Variants in SORBS2 observed in about 807,000 individuals in gnomAD.
SORBS2 encodes sorbin and SH3 domain-containing protein 2.
A neutral mutation model predicts 97.7 loss-of-function variants in SORBS2; 46 were observed. The ratio of observed to expected loss-of-function variants is 0.47; its 90% CI spans 0.37 to 0.60. The LOEUF is 0.60. Among genes scored for constraint, SORBS2 ranks in the 20% least tolerant of loss-of-function variants. SORBS2 has a pLI of 0.00. For missense variants in SORBS2, 1,316 were observed against 1,282.3 expected (o/e 1.03, Z -0.40); for synonymous variants, 476 against 473.4 (o/e 1.01, Z -0.07).
chr4:185,719,403 G>A (rs571434780), intron 2 of SORBS2, among the ~76,000 whole-genome samples: 5 of 152,254 alleles, frequency 3.3e-5, no homozygotes, highest in East Asian at 3.9e-4. Context: ...ATTCAGACAC[G>A]TTTTTCTCTC....
chr4:185,752,424 C>T (rs180935533), intron 2 of SORBS2, among the ~76,000 whole-genome samples: 316 of 152,202 alleles, frequency 2.1e-3, no homozygotes, highest in Non-Finnish European at 2.9e-3. Context: ...TACAGGCGCC[C>T]GCCACCACAC....
chr4:185,593,648 G>A (rs2096012683), intron 13 of SORBS2: 1 of 493,582 alleles, frequency 2.0e-6, no homozygotes, highest in East Asian at 3.6e-5. Flanking sequence ...TGAAGCATTG[G>A]GAAGTTTTCC....
At chr4:185,898,725 G>A (rs557520341) in intron 1 of SORBS2, among the ~76,000 whole-genome samples, 22 of 152,284 alleles carry the variant, frequency 1.4e-4, no homozygotes, top group East Asian at 3.9e-4. Context: ...TGGAGAGGGC[G>A]TCAGTTTAGC....
At chr4:185,946,572 T>C (rs969262682) in intron 1 of SORBS2, among the ~76,000 whole-genome samples, 1 of 152,192 alleles carries the variant, frequency 6.6e-6, no homozygotes, top group Non-Finnish European at 1.5e-5. Context: ...CTTTGTAGTG[T>C]TCTAATCAAA....
rs1278092181 is a variant in SORBS2 at position 185,623,577 on chromosome 4, C to T, written c.1552G>A (p.Glu518Lys). 6.2e-7 allele frequency: 1 copy of T among 1,613,972 alleles called. No homozygotes were observed. Among genetic ancestry groups the T allele is most frequent in the Non-Finnish European group, 8.5e-7 (1 of 1,180,022 alleles). ...CTTTCACTGCAGAAGGATGACCCCT[C>T]TAGGTGAATGTAGTCACTGTGGTCG... The change falls in exon 7 of 15, where the codon GAG becomes AAG. Residue 518 changes from glutamate to lysine, a missense_variant. Transcript: ENST00000418609. The surrounding 1 kb of genome is among the most constrained non-coding windows in gnomAD (Gnocchi z 6.4).
intron 1 of SORBS2, among the ~76,000 whole-genome samples, chr4:185,828,329 G>A (rs1008863671): frequency 1.2e-4 from 18 of 152,120 alleles, no homozygotes; most frequent in African/African-American, 4.3e-4. Flanking sequence ...ACTAGGAGAC[G>A]CAGAACCAGA....
intron 4 of SORBS2, chr4:185,665,922 A>G: frequency 8.3e-7 from 1 of 1,210,030 alleles, no homozygotes. Context: ...CTGTTGTCAG[A>G]GAGCCTGTGT....
At chr4:185,639,203 CT>C (rs1311082805) in intron 4 of SORBS2, among the ~76,000 whole-genome samples, 168 bp from the exon 14 acceptor site, 3 of 152,324 alleles carry the variant, frequency 2.0e-5, no homozygotes, top group African/African-American at 7.2e-5. Context: ...ATCCGGGCCG[CT>C]GCGAAGCCCT....
chr4:185,744,378 T>C (rs1251869868), intron 2 of SORBS2, among the ~76,000 whole-genome samples: 1 of 152,228 alleles, frequency 6.6e-6, no homozygotes. Flanking sequence ...TCCAGGTTTC[T>C]GTTTCACTAA....
intron 2 of SORBS2, among the ~76,000 whole-genome samples, chr4:185,768,344 T>C (rs913551530): frequency 6.6e-6 from 1 of 152,148 alleles, no homozygotes; most frequent in African/African-American, 2.4e-5. Flanking sequence ...TCTTTTAAGA[T>C]TGCATTTCAA....
rs55713465 is a variant in SORBS2 at position 185,809,455 on chromosome 4, C to CAAAAAAAAAAAAAAA, written c.-337-34104_-337-34090dup. Among the ~76,000 whole-genome samples, 80 of 47,290 alleles carry CAAAAAAAAAAAAAAA rather than the reference C, an allele frequency of 1.7e-3. 16 individuals carry two copies. Among genetic ancestry groups the CAAAAAAAAAAAAAAA allele is most frequent in the South Asian group, 2.9e-3 (2 of 680 alleles). 31.0% of individuals were successfully genotyped at this position (47,290 alleles called of 152,430 possible). On this transcript the variant is annotated intron_variant, in intron 1 of 20. Transcript: ENST00000284776. ...GACTCTTCAGGGGGCACTGCATTTG[C>CAAAAAAAAAAAAAAA]AAAAAAAAAAAAAAAAAAAAAAAAA...
intron 2 of SORBS2, among the ~76,000 whole-genome samples, chr4:185,650,611 A>G (rs1402461832): frequency 2.0e-5 from 3 of 152,222 alleles, no homozygotes; most frequent in African/African-American, 7.2e-5. Context: ...TCCTGCACCC[A>G]ATCATTGGAG....
exon 12 of SORBS2, chr4:185,611,876 G>C (rs927806572): frequency 6.2e-7 from 1 of 1,613,906 alleles, no homozygotes; most frequent in Non-Finnish European, 8.5e-7. Flanking sequence ...TCTTCTTGAC[G>C]ACCTCCACAT....
At chr4:185,839,956 G>A (rs766524194) in intron 1 of SORBS2, among the ~76,000 whole-genome samples, 3 of 151,694 alleles carry the variant, frequency 2.0e-5, no homozygotes, top group Non-Finnish European at 4.4e-5. Context: ...ATGTGCTTAC[G>A]ATGTAGGATA....
chr4:185,692,378 G>A (rs1344943268), intron 2 of SORBS2, among the ~76,000 whole-genome samples: 1 of 152,148 alleles, frequency 6.6e-6, no homozygotes, highest in South Asian at 2.1e-4. Flanking sequence ...GAAATCATTG[G>A]CATGATCACC....
intron 1 of SORBS2, among the ~76,000 whole-genome samples, chr4:185,946,539 A>G (rs2150014550): frequency 2.0e-5 from 3 of 152,330 alleles, no homozygotes; most frequent in African/African-American, 7.2e-5. Flanking sequence ...TTTCTTGCCC[A>G]TTTACATCTC....
intron 2 of SORBS2, among the ~76,000 whole-genome samples, chr4:185,698,201 C>T (rs1214589937): frequency 2.0e-5 from 3 of 152,286 alleles, no homozygotes; most frequent in East Asian, 1.9e-4. Flanking sequence ...CTTGGCCAGG[C>T]GCAGTGGCTC....
At chr4:185,622,620 G>A (rs576705853) in intron 7 of SORBS2, among the ~76,000 whole-genome samples, 19 of 152,198 alleles carry the variant, frequency 1.2e-4, no homozygotes, top group Admixed American at 1.2e-3. Flanking sequence ...AATGTGAGTA[G>A]TGGTTGTTTC....
intron 2 of SORBS2, among the ~76,000 whole-genome samples, chr4:185,701,535 T>C (rs552510353): frequency 1.7e-3 from 265 of 152,348 alleles, no homozygotes; most frequent in African/African-American, 6.1e-3. Context: ...GCTGCAGCAT[T>C]TGGTAAAGGA....
Sources: allele counts gnomAD v4.1 joint callset (sites outside exome capture counted in the v4.1 genomes callset), GRCh38; gene constraint gnomAD v4.1.1; non-coding constraint Gnocchi (gnomAD v3.1); transcripts MANE v1.5; gene names NCBI Gene and HGNC (gene_info 2026-07-23, HGNC 2026-07-21).